PDZD2: variants seen among roughly 807,000 people sequenced by gnomAD.
PDZD2 encodes the protein PDZ domain containing 2, also known as PDZ domain-containing protein 2.
Under a neutral mutation model 220.7 loss-of-function variants are expected in PDZD2, and 90 were observed. The observed-to-expected ratio is 0.41, with a 90% CI of 0.34 to 0.49. The LOEUF is 0.49. Among genes scored for constraint, PDZD2 ranks in the 20% least tolerant of loss-of-function variants. The pLI is 0.28. For missense variants in PDZD2, 3,174 were observed against 3,608.5 expected (o/e 0.88, Z 3.08); for synonymous variants, 1,375 against 1,450.5 (o/e 0.95, Z 1.18).
chr5:32,057,988 C>T lies in PDZD2; in HGVS notation c.2085C>T (p.Phe695=), dbSNP rs1207379066. ...TGAGCAGATCCGCCTCCCCGAACTT[C>T]AATACCAGTGGGGGAGCCTCAGCGG... ...THMSRSASPN[F]NTSGGASAGG... is the part of the protein sequence containing the mutation. Residue 695 remains phenylalanine, a synonymous_variant, in exon 12 of 25, where the codon TTC becomes TTT. Coordinates refer to ENST00000438447, the MANE Select transcript of PDZD2 (RefSeq NM_178140.4). 3 of 1,613,458 alleles carry T rather than the reference C, an allele frequency of 1.9e-6. No homozygotes were observed. In the Admixed American group the frequency reaches 5.0e-5, roughly 27 times the overall value.
At chr5:31,880,572 C>G (rs1174780369) in intron 2 of PDZD2, among the ~76,000 whole-genome samples, 1 of 152,026 alleles carries the variant, frequency 6.6e-6, no homozygotes, top group Admixed American at 6.6e-5. Context: ...CTGCAGGAAC[C>G]CTATTTTGAT....
intron 1 of PDZD2, among the ~76,000 whole-genome samples, chr5:31,688,034 A>G (rs966310612): frequency 5.9e-5 from 9 of 152,208 alleles, no homozygotes; most frequent in Non-Finnish European, 1.3e-4. Flanking sequence ...TTTAGAACTC[A>G]GCTTTTTTTG....
intron 2 of PDZD2, among the ~76,000 whole-genome samples, chr5:31,901,604 C>T (rs148786860): frequency 6.8e-4 from 103 of 152,072 alleles, no homozygotes; most frequent in Middle Eastern, 3.4e-3. Flanking sequence ...TTTTAAAAAA[C>T]GGTTTTATTG....
In PDZD2 at chr5:31,649,027, C is replaced by G. The variant is rs866475432; in HGVS notation, c.-361+9590C>G. Among the ~76,000 whole-genome samples, 25 of 152,220 alleles carry G rather than the reference C, an allele frequency of 1.6e-4. 1 individual carries two copies. The highest frequency in any genetic ancestry group is 1.2e-3 in the Admixed American group (19 of 15,294). On this transcript the variant is annotated intron_variant, in intron 1 of 24. Coordinates refer to ENST00000438447, the MANE Select transcript of PDZD2 (RefSeq NM_178140.4). Reference sequence around the variant, plus strand: ...GACTCCTATTCATCCCTCCTGCCCCCCAACCCAGAGGGGTTTTTTTGTTTG... The same window carrying G: ...GACTCCTATTCATCCCTCCTGCCCCGCAACCCAGAGGGGTTTTTTTGTTTG...
At chr5:31,740,524 C>CAAAA (rs58965956) in intron 1 of PDZD2, among the ~76,000 whole-genome samples, 1,285 of 60,004 alleles carry the variant, frequency 0.021, 142 homozygotes, top group Non-Finnish European at 0.031. Context: ...GACTCCGTCT[C>CAAAA]AAAAAAAAAA....
intron 1 of PDZD2, among the ~76,000 whole-genome samples, chr5:31,729,897 G>A (rs560344337): frequency 1.9e-4 from 29 of 152,200 alleles, no homozygotes; most frequent in African/African-American, 5.5e-4. Flanking sequence ...GTGCGATCTC[G>A]GCTAACTGCA....
intron 1 of PDZD2, among the ~76,000 whole-genome samples, chr5:31,701,971 C>G (rs1292762908): frequency 3.3e-5 from 5 of 152,228 alleles, no homozygotes; most frequent in Admixed American, 6.5e-5. Flanking sequence ...CAATTAAATG[C>G]CTGATAATCT....
rs145946847 is a variant in PDZD2, at chr5:31,871,858, C to T, written c.476+72134C>T. Among the ~76,000 whole-genome samples the T allele has an allele frequency of 2.7e-3, 405 of 152,154 alleles. 3 individuals carry two copies. Among genetic ancestry groups the T allele is most frequent in the African/African-American group, 9.4e-3 (390 of 41,496 alleles). ...GTTTTTGTTTTGAATCAGAGTCTTG[C>T]TCTGTCACCCAGGCTGGAGTGCAGT... On this transcript the variant is annotated intron_variant, in intron 2 of 24. Transcript: ENST00000438447.
chr5:31,900,445 A>ATAG (rs1166161847), intron 2 of PDZD2, among the ~76,000 whole-genome samples: 1 of 152,094 alleles, frequency 6.6e-6, no homozygotes, highest in Non-Finnish European at 1.5e-5. Context: ...GGGATAGGGG[A>ATAG]GGGACTTCGG....
intron 10 of PDZD2, among the ~76,000 whole-genome samples, chr5:32,054,284 C>T (rs1169154101): frequency 1.4e-5 from 2 of 144,928 alleles, no homozygotes; most frequent in Non-Finnish European, 3.0e-5. Context: ...AAATCAACCA[C>T]CACATAGTCT....
At chr5:31,917,047 G>A (rs1170030360) in intron 2 of PDZD2, among the ~76,000 whole-genome samples, 1 of 152,202 alleles carries the variant, frequency 6.6e-6, no homozygotes, top group Non-Finnish European at 1.5e-5. Context: ...TGGGGACACA[G>A]TATCTTGCCA....
At chr5:31,743,031 T>G (rs1294979515) in intron 1 of PDZD2, among the ~76,000 whole-genome samples, 1 of 152,246 alleles carries the variant, frequency 6.6e-6, no homozygotes, top group Non-Finnish European at 1.5e-5. Context: ...CCAGTCCATC[T>G]TCACCTTTGG....
intron 2 of PDZD2, among the ~76,000 whole-genome samples, chr5:31,839,313 A>T (rs1757130445): frequency 6.6e-6 from 1 of 152,184 alleles, no homozygotes; most frequent in Non-Finnish European, 1.5e-5. Context: ...TTATCATTTT[A>T]TCCTCTGTAA....
At chr5:31,857,012 C>G (rs1169325986) in intron 2 of PDZD2, among the ~76,000 whole-genome samples, 2 of 151,908 alleles carry the variant, frequency 1.3e-5, no homozygotes, top group Admixed American at 1.3e-4. Context: ...TTACCAACTT[C>G]CAGTTCTTTG....
At chr5:31,817,185 C>A (rs370198410) in intron 2 of PDZD2, among the ~76,000 whole-genome samples, 614 of 95,562 alleles carry the variant, frequency 6.4e-3, no homozygotes, top group East Asian at 0.011. Flanking sequence ...GACTCCGTCT[C>A]AAAAAAAAAA....
At position 32,087,525 on chromosome 5, in the gene PDZD2, T is replaced by TA. The variant is rs774609649; in HGVS notation, c.4079dup (p.Ala1361GlyfsTer11). ...GACAGGGAGCTCCAGGTAACCACAG[T>TA]AAGGCTCTGGAAATGACAGGAATCC... On this transcript the variant is annotated frameshift_variant, in exon 20 of 25. Coordinates refer to ENST00000438447, the MANE Select transcript of PDZD2 (RefSeq NM_178140.4). LOFTEE classifies it high-confidence loss of function. The surrounding 1 kb of genome is among the most constrained non-coding windows in gnomAD (Gnocchi z 4.0). The TA allele has an allele frequency of 1.2e-6, 2 of 1,613,510 alleles. No individual in the cohort carries two copies. Among genetic ancestry groups the TA allele is most frequent in the Non-Finnish European group, 1.7e-6 (2 of 1,179,718 alleles).
chr5:32,058,116 A>C lies in PDZD2; in HGVS notation c.2200+13A>C, dbSNP rs761763469. Reference sequence around the variant, plus strand: ...ACACTCAACAAAGGTGATAGCAGCTATTCCTTACCTTTGTCTCATTTCTTG... The same window carrying C: ...ACACTCAACAAAGGTGATAGCAGCTCTTCCTTACCTTTGTCTCATTTCTTG... On this transcript the variant is annotated intron_variant, in intron 12 of 24. Transcript: ENST00000438447. The C allele has an allele frequency of 8.0e-7, 1 of 1,255,946 alleles. No homozygotes were observed. The highest frequency in any genetic ancestry group is 1.2e-6 in the Non-Finnish European group (1 of 853,836). 77.8% of individuals were successfully genotyped at this position (1,255,946 alleles called of 1,614,324 possible).
At chr5:31,709,044 C>T (rs932453500) in intron 1 of PDZD2, among the ~76,000 whole-genome samples, 8 of 151,888 alleles carry the variant, frequency 5.3e-5, no homozygotes, top group Admixed American at 2.6e-4. Context: ...CGCACCACCA[C>T]GCCTGGCTAA....
chr5:31,956,209 T>C (rs1344326709), intron 2 of PDZD2, among the ~76,000 whole-genome samples: 2 of 152,138 alleles, frequency 1.3e-5, no homozygotes, highest in African/African-American at 4.8e-5. Context: ...TTGTTCAAAG[T>C]GGGGTATTGA....
Sources: gnomAD v4.1 joint callset for allele counts (sites outside exome capture counted in the v4.1 genomes callset) on GRCh38, gnomAD v4.1.1 for gene constraint, Gnocchi (gnomAD v3.1) non-coding constraint, MANE v1.5 for transcripts, NCBI Gene and HGNC (gene_info 2026-07-23, HGNC 2026-07-21) for gene names.